The following KCNK3 variants were observed in gnomAD, a reference collection of about 807,000 sequenced individuals.
The protein encoded by KCNK3 is potassium two pore domain channel subfamily K member 3.
A neutral mutation model predicts 27.3 loss-of-function variants in KCNK3; 9 were observed. The ratio of observed to expected loss-of-function variants is 0.33; its 90% CI spans 0.20 to 0.57. The LOEUF is 0.57. KCNK3 is among the 20% of genes least tolerant of loss of function. The pLI, the probability that KCNK3 is intolerant of heterozygous loss-of-function variation, is 0.87. For missense variants in KCNK3, 391 were observed against 577.7 expected, an observed-to-expected ratio of 0.68 and a Z score of 3.31; for synonymous variants, 278 against 273.8, an observed-to-expected ratio of 1.02 and a Z score of -0.15.
In KCNK3 at chr2:26,692,828, G is replaced by T; in HGVS notation, c.-48G>T. 9.3e-7 allele frequency: 1 copy of T among 1,074,470 alleles called. No homozygotes were observed. The highest frequency in any genetic ancestry group is 1.1e-6 in the Non-Finnish European group (1 of 882,500). The allele number at this position is 1,074,470 out of a possible 1,614,324, so 66.6% of individuals were successfully genotyped here. ...CAGCAGCAGCGGCGGCCGGGGCCGA[G>T]GCGCGGGCCGGGGGCGCCGGGGGGC... On this transcript the variant is annotated 5_prime_UTR_variant, in exon 1 of 2. It adds an upstream start codon to the 5' untranslated region. Transcript: ENST00000302909. This position sits in a 1 kb window ranked among gnomAD's most constrained non-coding sequence, Gnocchi z 5.6.
At chr2:26,695,875 G>C (rs1205481182) in intron 1 of KCNK3, among the ~76,000 whole-genome samples, 1 of 152,190 alleles carries the variant, frequency 6.6e-6, no homozygotes, top group Non-Finnish European at 1.5e-5. Context: ...CACCCCCCTG[G>C]TTCTGTGGGG....
At chr2:26,699,255 C>A (rs146350108) in intron 1 of KCNK3, among the ~76,000 whole-genome samples, 1,331 of 106,452 alleles carry the variant, frequency 0.013, 14 homozygotes, top group African/African-American at 0.028. Flanking sequence ...GAAAGAAAGC[C>A]AGCCAAGGAG....
In KCNK3 at chr2:26,727,806, C is replaced by T; in HGVS notation, c.423C>T (p.His141=). 1 of 1,611,298 alleles carries T rather than the reference C, an allele frequency of 6.2e-7. No homozygotes were observed. Among genetic ancestry groups the T allele is most frequent in the East Asian group, 2.2e-5 (1 of 44,814 alleles). Residue 141 remains histidine (H), a synonymous_variant, in exon 2 of 2, where the codon CAC becomes CAT. Coordinates refer to ENST00000302909, the MANE Select transcript of KCNK3 (RefSeq NM_002246.3). ...RINTLVRYLL[H]RAKKGLGMRR... ...ACACCTTGGTGAGGTACCTGCTGCA[C>T]CGCGCCAAGAAGGGGCTGGGCATGC...
chr2:26,733,381 A>T lies in KCNK3; in HGVS notation c.*4813A>T, dbSNP rs1663574876. ...ACCGACTCATGGAGCTTCGCAAGGC[A>T]TCTTAGCTTAATAAAGGTTATGAAA... is the stretch of plus-strand genomic sequence containing the variant. On this transcript the variant is annotated 3_prime_UTR_variant, in exon 2 of 2. Coordinates refer to ENST00000302909, the MANE Select transcript of KCNK3 (RefSeq NM_002246.3). The T allele has an allele frequency of 6.6e-6, 1 of 152,240 alleles. No individual in the cohort carries two copies. Among genetic ancestry groups the T allele is most frequent in the African/African-American group, 2.4e-5 (1 of 41,462 alleles). 9.4% of individuals were successfully genotyped at this position (152,240 alleles called of 1,614,324 possible).
At chr2:26,717,751 C>T (rs956152378) in intron 1 of KCNK3, among the ~76,000 whole-genome samples, 6 of 152,066 alleles carry the variant, frequency 3.9e-5, no homozygotes, top group African/African-American at 7.2e-5. Flanking sequence ...CTGCCCAGGA[C>T]CCCCAGGATA....
chr2:26,698,371 T>C (rs974463573), intron 1 of KCNK3, among the ~76,000 whole-genome samples: 13 of 152,190 alleles, frequency 8.5e-5, no homozygotes, highest in African/African-American at 2.9e-4. Context: ...CAATCCACCC[T>C]ATCCCCATTC....
intron 1 of KCNK3, among the ~76,000 whole-genome samples, chr2:26,713,178 G>A (rs181955921): frequency 2.0e-5 from 3 of 152,286 alleles, no homozygotes; most frequent in African/African-American, 2.4e-5. Flanking sequence ...GCCATTCTCC[G>A]GGGAGACTGC....
intron 1 of KCNK3, among the ~76,000 whole-genome samples, chr2:26,709,731 A>G (rs1262093959): frequency 1.3e-5 from 2 of 151,856 alleles, no homozygotes; most frequent in African/African-American, 4.8e-5. Context: ...AATGCTTCAC[A>G]CCCTCCCCCT....
chr2:26,714,218 A>T (rs1663183231), intron 1 of KCNK3, among the ~76,000 whole-genome samples: 1 of 151,956 alleles, frequency 6.6e-6, no homozygotes, highest in Non-Finnish European at 1.5e-5. Context: ...TCACCCAGCC[A>T]CCTAGCAAGA....
At chr2:26,713,305 A>G (rs1442355214) in intron 1 of KCNK3, among the ~76,000 whole-genome samples, 4 of 152,170 alleles carry the variant, frequency 2.6e-5, no homozygotes, top group African/African-American at 4.8e-5. Context: ...GAGGCGAGGC[A>G]TGGGACAGAT....
At chr2:26,723,631 G>C (rs2148268590) in intron 1 of KCNK3, among the ~76,000 whole-genome samples, 1 of 152,308 alleles carries the variant, frequency 6.6e-6, no homozygotes, top group South Asian at 2.1e-4. Context: ...TCCTGGTTCT[G>C]GCATTCACAA....
At chr2:26,700,272 C>T (rs1349154283) in intron 1 of KCNK3, among the ~76,000 whole-genome samples, 1 of 152,252 alleles carries the variant, frequency 6.6e-6, no homozygotes, top group Non-Finnish European at 1.5e-5. Context: ...TCTTTCGTGG[C>T]AGCACAAAGA....
In KCNK3 at chr2:26,693,176, G is replaced by A. The variant is rs745920220; in HGVS notation, c.283+18G>A. On this transcript the variant is annotated intron_variant, in intron 1 of 1. Coordinates refer to ENST00000302909, the MANE Select transcript of KCNK3 (RefSeq NM_002246.3). This position sits in a 1 kb window ranked among gnomAD's most constrained non-coding sequence, Gnocchi z 5.5. Reference sequence around the variant, plus strand: ...CACCATCGGTAACGGCTCGCCGGGCGGGGGGCGGGAACCCAGGGCTGGGCG... The same window carrying A: ...CACCATCGGTAACGGCTCGCCGGGCAGGGGGCGGGAACCCAGGGCTGGGCG... The A allele has an allele frequency of 1.3e-6, 2 of 1,522,906 alleles. No individual in the cohort carries two copies. The highest frequency in any genetic ancestry group is 1.4e-5 in the African/African-American group (1 of 70,124). The allele number at this position is 1,522,906 out of a possible 1,614,324, so 94.3% of individuals were successfully genotyped here.
At chr2:26,695,804 G>C (rs1312199580) in intron 1 of KCNK3, among the ~76,000 whole-genome samples, 1 of 152,222 alleles carries the variant, frequency 6.6e-6, no homozygotes, top group Non-Finnish European at 1.5e-5. Flanking sequence ...GGCAGACAGA[G>C]TGCGGTTCTG....
intron 1 of KCNK3, among the ~76,000 whole-genome samples, chr2:26,713,859 T>G (rs555917049): frequency 6.0e-5 from 9 of 151,006 alleles, no homozygotes; most frequent in Non-Finnish European, 7.4e-5. Context: ...GTGGATCACA[T>G]GAGGTCAGGA....
In KCNK3 at chr2:26,726,102, CACACAGAGAGAGAG is replaced by C. The variant is rs1449238572; in HGVS notation, c.284-1563_284-1550del. ...ATGCATACACACACACACACACACA[CACACAGAGAGAGAG>C]AGAGAGAGAGAGAGAGAGAGAGAGA... On this transcript the variant is annotated intron_variant, in intron 1 of 1. Coordinates refer to ENST00000302909, the MANE Select transcript of KCNK3 (RefSeq NM_002246.3). Among the ~76,000 whole-genome samples, 588 of 136,216 alleles carry C rather than the reference CACACAGAGAGAGAG, an allele frequency of 4.3e-3. 4 individuals are homozygous for C. Among genetic ancestry groups the C allele is most frequent in the African/African-American group, 9.5e-3 (338 of 35,488 alleles). 89.4% of individuals were successfully genotyped at this position (136,216 alleles called of 152,430 possible).
chr2:26,696,511 T>C (rs1013067879), intron 1 of KCNK3, among the ~76,000 whole-genome samples: 1 of 152,170 alleles, frequency 6.6e-6, no homozygotes, highest in African/African-American at 2.4e-5. Flanking sequence ...CCCTGATTGG[T>C]TGGAGGTCAG....
chr2:26,693,175 C>A lies in KCNK3; in HGVS notation c.283+17C>A. ...CCACCATCGGTAACGGCTCGCCGGG[C>A]GGGGGGCGGGAACCCAGGGCTGGGC... is the stretch of plus-strand genomic sequence containing the variant. On this transcript the variant is annotated intron_variant, in intron 1 of 1. Coordinates refer to ENST00000302909, the MANE Select transcript of KCNK3 (RefSeq NM_002246.3). This position sits in a 1 kb window ranked among gnomAD's most constrained non-coding sequence, Gnocchi z 5.5. 3 of 1,276,556 alleles carry A rather than the reference C, an allele frequency of 2.4e-6. No individual in the cohort carries two copies. The highest frequency in any genetic ancestry group is 2.3e-5 in the South Asian group (1 of 43,190). 79.1% of individuals were successfully genotyped at this position (1,276,556 alleles called of 1,614,324 possible).
chr2:26,716,021 A>G (rs1663224259), intron 1 of KCNK3, among the ~76,000 whole-genome samples: 1 of 152,170 alleles, frequency 6.6e-6, no homozygotes, highest in African/African-American at 2.4e-5. Flanking sequence ...TAAGTTCTTC[A>G]TTTCCCAGAA....
Sources: allele counts gnomAD v4.1 joint callset (sites outside exome capture counted in the v4.1 genomes callset), GRCh38; gene constraint gnomAD v4.1.1; non-coding constraint Gnocchi (gnomAD v3.1); transcripts MANE v1.5; gene names NCBI Gene and HGNC (gene_info 2026-07-23, HGNC 2026-07-21).